Variants in THSD7B observed in about 807,000 individuals in gnomAD.
The protein encoded by THSD7B is thrombospondin type-1 domain-containing protein 7B.
A neutral mutation model predicts 213.6 loss-of-function variants in THSD7B; 138 were observed. That is an observed-to-expected ratio of 0.65 (90% CI 0.56 to 0.74). The LOEUF (loss-of-function observed/expected upper bound fraction) is 0.74. Ranked by LOEUF, THSD7B falls within the 30% of genes least tolerant of loss-of-function variation. The pLI is 0.00. For missense variants in THSD7B, 1,931 were observed against 1,991.5 expected (o/e 0.97, Z 0.58); for synonymous variants, 742 against 687.0 (o/e 1.08, Z -1.25).
chr2:137,642,669 C>G lies in THSD7B; in HGVS notation c.3945+36C>G, dbSNP rs775179073. The G allele has an allele frequency of 4.4e-6, 7 of 1,607,420 alleles. 1 individual carries two copies. In the South Asian group the frequency reaches 7.8e-5, roughly 18 times the overall value. ...TAATGACAGTTAGAGAAATATTCAT[C>G]AGTATATTCGAAGCACTTGTCTGGT... On this transcript the variant is annotated intron_variant, in intron 21 of 27. Transcript: ENST00000409968.
At chr2:137,258,382 T>C (rs1682357921) in intron 10 of THSD7B, among the ~76,000 whole-genome samples, 1 of 152,064 alleles carries the variant, frequency 6.6e-6, no homozygotes, top group Admixed American at 6.6e-5. Flanking sequence ...CCTCTTTTGC[T>C]CTCATTCCCT....
Position 137,616,249 on chromosome 2 carries a change from T to C in THSD7B, c.3498T>C (p.Ala1166=), listed in dbSNP as rs1476616716. 1 of 1,613,736 alleles carries C rather than the reference T, an allele frequency of 6.2e-7. No individual in the cohort carries two copies. Among genetic ancestry groups the C allele is most frequent in the African/African-American group, 1.3e-5 (1 of 74,916 alleles). Residue 1166 remains alanine (A), a synonymous_variant, in exon 18 of 28, where the codon GCT becomes GCC. Transcript: ENST00000409968. ...CATCACTGAACTCAAGGACTTGTGC[T>C]GAAGACTCACAGGTGCAGCCTTGCC... The part of the protein sequence containing the change: ...LRPSLNSRTC[A]EDSQVQPCLL...
At chr2:136,855,512 A>G (rs1573671349) in intron 1 of THSD7B, among the ~76,000 whole-genome samples, 1 of 151,332 alleles carries the variant, frequency 6.6e-6, no homozygotes, top group Non-Finnish European at 1.5e-5. Context: ...TGCAGCCTCC[A>G]CCTCCCAGGT....
At chr2:137,609,491 G>A (rs1016758384) in intron 17 of THSD7B, among the ~76,000 whole-genome samples, 4 of 152,182 alleles carry the variant, frequency 2.6e-5, no homozygotes, top group African/African-American at 9.7e-5. Flanking sequence ...CAAGATCAAG[G>A]CCCTGGGGCA....
chr2:137,437,742 G>A (rs1412970889), intron 14 of THSD7B, among the ~76,000 whole-genome samples: 2 of 152,118 alleles, frequency 1.3e-5, no homozygotes, highest in East Asian at 1.9e-4. Context: ...CATCCCCATC[G>A]ATGCCAGCCT....
intron 21 of THSD7B, among the ~76,000 whole-genome samples, chr2:137,649,320 T>A (rs990126132): frequency 6.6e-6 from 1 of 152,162 alleles, no homozygotes. Flanking sequence ...TGCTTTGATA[T>A]CTGACACAAA....
At chr2:136,796,442 C>CA (rs552206646) in intron 1 of THSD7B, among the ~76,000 whole-genome samples, 114 of 152,066 alleles carry the variant, frequency 7.5e-4, no homozygotes, top group African/African-American at 2.7e-3. Context: ...GTAGCCTCTG[C>CA]AGCCATCTAA....
At chr2:136,849,346 G>A (rs1431109633) in intron 1 of THSD7B, among the ~76,000 whole-genome samples, 2 of 152,088 alleles carry the variant, frequency 1.3e-5, no homozygotes, top group Non-Finnish European at 2.9e-5. Flanking sequence ...AAGATTAAAG[G>A]ACTTACTAAA....
chr2:137,229,671 G>A (rs1386875592), intron 7 of THSD7B, among the ~76,000 whole-genome samples: 1 of 152,112 alleles, frequency 6.6e-6, no homozygotes, highest in Non-Finnish European at 1.5e-5. Flanking sequence ...GTTAATGGGA[G>A]AAGCAGAAGT....
intron 2 of THSD7B, among the ~76,000 whole-genome samples, chr2:136,954,605 A>G (rs1030009473): frequency 6.6e-6 from 1 of 150,874 alleles, no homozygotes; most frequent in South Asian, 2.1e-4. Flanking sequence ...AGTCCCAGCT[A>G]CTCTGGAGGC....
chr2:137,121,460 A>G (rs1182106612), intron 5 of THSD7B, among the ~76,000 whole-genome samples: 3 of 152,202 alleles, frequency 2.0e-5, no homozygotes, highest in Non-Finnish European at 4.4e-5. Flanking sequence ...ACATGACTAA[A>G]CTGAAAATTC....
At chr2:137,067,663 T>C (rs1048170036) in intron 3 of THSD7B, among the ~76,000 whole-genome samples, 3 of 152,048 alleles carry the variant, frequency 2.0e-5, no homozygotes, top group African/African-American at 7.2e-5. Flanking sequence ...TCTTCCTATT[T>C]TCACTCCCAA....
At chr2:137,311,521 G>A (rs1192919133) in intron 12 of THSD7B, among the ~76,000 whole-genome samples, 1 of 152,014 alleles carries the variant, frequency 6.6e-6, no homozygotes, top group Admixed American at 6.6e-5. Flanking sequence ...TAATTGCCCT[G>A]AACAGAACTT....
At chr2:137,145,907 A>G (rs1475521910) in intron 5 of THSD7B, among the ~76,000 whole-genome samples, 1 of 152,226 alleles carries the variant, frequency 6.6e-6, no homozygotes, top group East Asian at 1.9e-4. Context: ...TTTTTAATGA[A>G]ATAATTATTC....
chr2:137,175,996 G>A (rs918725869), intron 7 of THSD7B, among the ~76,000 whole-genome samples: 2 of 152,038 alleles, frequency 1.3e-5, no homozygotes, highest in Non-Finnish European at 2.9e-5. Flanking sequence ...CGATTATGTT[G>A]TATCTCGTGT....
chr2:136,838,796 G>T (rs778198), intron 1 of THSD7B, among the ~76,000 whole-genome samples: 56,140 of 151,868 alleles, frequency 0.37, 10,674 homozygotes, highest in South Asian at 0.42. Context: ...ATGTGCTTTG[G>T]GTACCATACT....
At chr2:137,350,382 G>T (rs7567508) in intron 12 of THSD7B, among the ~76,000 whole-genome samples, 13 of 151,714 alleles carry the variant, frequency 8.6e-5, no homozygotes, top group Non-Finnish European at 1.8e-4. Flanking sequence ...GTGTAAATCC[G>T]TGTGTAAGGA....
chr2:137,128,268 ATTAT>A (rs954353174), intron 5 of THSD7B, among the ~76,000 whole-genome samples: 6 of 152,202 alleles, frequency 3.9e-5, no homozygotes, highest in African/African-American at 1.4e-4. Flanking sequence ...AATAAAATAA[ATTAT>A]TTGTGATTTA....
At chr2:137,036,610 A>T (rs920031796) in intron 2 of THSD7B, among the ~76,000 whole-genome samples, 2 of 152,160 alleles carry the variant, frequency 1.3e-5, no homozygotes, top group Non-Finnish European at 2.9e-5. Flanking sequence ...CAATACCTCT[A>T]TTACTGTACA....
Sources: allele counts gnomAD v4.1 joint callset (sites outside exome capture counted in the v4.1 genomes callset), GRCh38; gene constraint gnomAD v4.1.1; transcripts MANE v1.5; gene names NCBI Gene and HGNC (gene_info 2026-07-23, HGNC 2026-07-21).